Variants in PNLDC1 observed in about 807,000 individuals in gnomAD.
The protein encoded by PNLDC1 is PARN like ribonuclease domain containing exonuclease 1, also known as poly(A)-specific ribonuclease PNLDC1.
In PNLDC1, 70 loss-of-function variants were observed where a neutral mutation model predicts 82.0. That is an observed-to-expected ratio of 0.85 (90% CI 0.70 to 1.04). The LOEUF (loss-of-function observed/expected upper bound fraction) is 1.04. Among genes scored for constraint, PNLDC1 ranks in the 50% least tolerant of loss-of-function variants. PNLDC1 has a pLI of 0.00. For missense variants in PNLDC1, 631 were observed against 661.1 expected (o/e 0.95, Z 0.50); for synonymous variants, 280 against 249.3 (o/e 1.12, Z -1.16).
At chr6:159,815,084 G>C (rs1212639420) in intron 12 of PNLDC1, among the ~76,000 whole-genome samples, 2 of 152,190 alleles carry the variant, frequency 1.3e-5, no homozygotes, top group Non-Finnish European at 2.9e-5. Context: ...ATTCACCCAG[G>C]TCCTGGAGCC....
intron 12 of PNLDC1, 39 bp from the exon 13 acceptor site, chr6:159,815,930 C>T (rs955545324): frequency 5.9e-6 from 9 of 1,530,284 alleles, no homozygotes; most frequent in Admixed American, 1.7e-5. Context: ...GGATTACTTT[C>T]AGCAAATTGT....
chr6:159,815,542 C>T (rs904492171), intron 12 of PNLDC1, among the ~76,000 whole-genome samples: 1 of 152,204 alleles, frequency 6.6e-6, no homozygotes. Flanking sequence ...TCCATTGGAT[C>T]ATGTGGTTTG....
At position 159,806,105 on chromosome 6, in the gene PNLDC1, C is replaced by T. The variant is rs768691772; in HGVS notation, c.562+22C>T. ...ACTGGTAGGCAGGGCCTGTTCCTCC[C>T]AACGCAGGAGCATTGGGACAGGTCA... On this transcript the variant is annotated intron_variant, in intron 7 of 18. Transcript: ENST00000392167. The T allele has an allele frequency of 3.8e-6, 6 of 1,577,390 alleles. No individual in the cohort carries two copies. In the Admixed American group the frequency reaches 1.0e-4, roughly 26 times the overall value.
intron 3 of PNLDC1, among the ~76,000 whole-genome samples, chr6:159,801,908 G>GAT (rs1677726363): frequency 6.6e-6 from 1 of 151,944 alleles, no homozygotes; most frequent in Non-Finnish European, 1.5e-5. Flanking sequence ...TATTTTCTGA[G>GAT]ATGGAGTCTC....
At position 159,801,067 on chromosome 6, in the gene PNLDC1, G is replaced by A. The variant is rs1264733576; in HGVS notation, c.135-46G>A. On this transcript the variant is annotated intron_variant, in intron 2 of 18. Coordinates refer to ENST00000392167, the MANE Select transcript of PNLDC1 (RefSeq NM_001271862.2). Reference sequence around the variant, plus strand: ...CCTGCCGCGGAGGCCATAGTGCCGGGATGGGATGTCATTGCTCGTGGAATG... The same window carrying A: ...CCTGCCGCGGAGGCCATAGTGCCGGAATGGGATGTCATTGCTCGTGGAATG... 8.7e-6 allele frequency: 14 copies of A among 1,600,708 alleles called. No individual in the cohort carries two copies. In the Admixed American group the frequency reaches 1.7e-4, roughly 19 times the overall value.
intron 15 of PNLDC1, 108 bp from the exon 16 acceptor site, chr6:159,818,447 C>A: frequency 3.1e-6 from 3 of 957,270 alleles, no homozygotes; most frequent in Non-Finnish European, 3.3e-6. Context: ...GGAGGGAGAG[C>A]CGTCCGAGGG....
intron 16 of PNLDC1, 39 bp from the exon 17 acceptor site, chr6:159,818,907 G>T (rs1393642122): frequency 6.3e-7 from 1 of 1,599,912 alleles, no homozygotes. Context: ...AAGTCAGGAA[G>T]AACTGTGGAA....
At chr6:159,807,027 G>A (rs976725042) in intron 7 of PNLDC1, among the ~76,000 whole-genome samples, 1 of 151,906 alleles carries the variant, frequency 6.6e-6, no homozygotes, top group Non-Finnish European at 1.5e-5. Flanking sequence ...TGAGTAGCTG[G>A]GATTACAGGT....
rs566117401 is a variant in PNLDC1, at chr6:159,819,190, G to A, written c.1434-64G>A. 4.8e-5 allele frequency: 78 copies of A among 1,610,172 alleles called. No individual in the cohort carries two copies. The East Asian group carries it at 7.4e-4, about 15-fold the overall frequency. On this transcript the variant is annotated intron_variant, in intron 17 of 18. Transcript: ENST00000392167. This position sits in a 1 kb window ranked among gnomAD's most constrained non-coding sequence, Gnocchi z 4.6. ...TCCCTGTATCTCTCTGACTCCACCC[G>A]CCTGATCACAGCAGGCGGCGCCATC...
In PNLDC1 at chr6:159,820,655, G is replaced by C. The variant is rs775878951; in HGVS notation, c.*138G>C. On this transcript the variant is annotated 3_prime_UTR_variant, in exon 19 of 19. Coordinates refer to ENST00000392167, the MANE Select transcript of PNLDC1 (RefSeq NM_001271862.2). ...CTAGAAATTCTGTTATGTCCTGAAC[G>C]TGAAATTCTGTCAACACTCTCAATG... 2.6e-6 allele frequency: 2 copies of C among 768,574 alleles called. No homozygotes were observed. The highest frequency in any genetic ancestry group is 4.4e-6 in the Non-Finnish European group (2 of 455,570). 47.6% of individuals were successfully genotyped at this position (768,574 alleles called of 1,614,324 possible). A position where few individuals can be genotyped will look rare whatever the true frequency, so the allele number is the denominator to read the frequency against.
At chr6:159,811,612 TG>T in intron 10 of PNLDC1, 88 bp from the exon 11 acceptor site, 1 of 959,216 alleles carries the variant, frequency 1.0e-6, no homozygotes, top group South Asian at 1.3e-5. Flanking sequence ...TATTAATCAG[TG>T]CCAGTGGCAA....
chr6:159,801,824 T>A (rs1415457232), intron 3 of PNLDC1, among the ~76,000 whole-genome samples: 3 of 152,144 alleles, frequency 2.0e-5, no homozygotes, highest in Non-Finnish European at 4.4e-5. Context: ...AAACTTTTTT[T>A]TTTTCCTTGA....
intron 3 of PNLDC1, among the ~76,000 whole-genome samples, chr6:159,802,012 A>G (rs1662754673): frequency 6.6e-6 from 1 of 151,828 alleles, no homozygotes; most frequent in African/African-American, 2.4e-5. Flanking sequence ...CTCAGCCTCC[A>G]GAGCAGCTGG....
intron 15 of PNLDC1, among the ~76,000 whole-genome samples, chr6:159,817,607 T>C (rs1181046516): frequency 6.6e-6 from 1 of 152,228 alleles, no homozygotes; most frequent in Admixed American, 6.5e-5. Flanking sequence ...GAACCCCACA[T>C]TGGAATCTTC....
intron 4 of PNLDC1, 62 bp from the exon 5 acceptor site, chr6:159,803,903 C>T: frequency 6.4e-7 from 1 of 1,557,056 alleles, no homozygotes; most frequent in Non-Finnish European, 8.7e-7. Flanking sequence ...TGAAGCCAGC[C>T]CTGGGAGCCA....
At chr6:159,811,656 C>A in intron 10 of PNLDC1, 45 bp from the exon 11 acceptor site, 1 of 1,501,906 alleles carries the variant, frequency 6.7e-7, no homozygotes, top group Non-Finnish European at 9.2e-7. Flanking sequence ...CCCATTTTTG[C>A]CAACAAACAA....
chr6:159,808,614 G>C, intron 7 of PNLDC1, 126 bp from the exon 8 acceptor site: 1 of 831,250 alleles, frequency 1.2e-6, no homozygotes, highest in Admixed American at 2.2e-5. Flanking sequence ...CATGGGCTTG[G>C]GCACCCTTCA....
At chr6:159,804,239 T>C in intron 5 of PNLDC1, 151 bp downstream of exon 5, 1 of 891,522 alleles carries the variant, frequency 1.1e-6, no homozygotes, top group Non-Finnish European at 1.7e-6. Context: ...TAGCTGGGAT[T>C]ACAGGCACCC....
intron 6 of PNLDC1, among the ~76,000 whole-genome samples, chr6:159,805,458 G>T (rs887156935): frequency 7.2e-5 from 11 of 152,168 alleles, no homozygotes; most frequent in African/African-American, 2.7e-4. Flanking sequence ...TATTTTTCCT[G>T]CTGGTTTTCA....
Sources: gnomAD v4.1 joint callset for allele counts (sites outside exome capture counted in the v4.1 genomes callset) on GRCh38, gnomAD v4.1.1 for gene constraint, Gnocchi (gnomAD v3.1) non-coding constraint, MANE v1.5 for transcripts, NCBI Gene and HGNC (gene_info 2026-07-23, HGNC 2026-07-21) for gene names.